ANKHD1: variants seen among roughly 807,000 people sequenced by gnomAD.
ANKHD1 encodes ankyrin repeat and KH domain containing 1, also known as ankyrin repeat and KH domain-containing protein 1.
ANKHD1 carries 31 observed loss-of-function variants against 230.5 expected under a neutral mutation model. The ratio of observed to expected loss-of-function variants is 0.13; its 90% CI spans 0.10 to 0.18. ANKHD1 has a LOEUF of 0.18. Among genes scored for constraint, ANKHD1 ranks in the 10% least tolerant of loss-of-function variants. The pLI is 1.00. For synonymous variants in ANKHD1, 1,074 were observed against 1,117.6 expected (o/e 0.96, Z 0.78); for missense variants, 2,256 against 3,071.3 (o/e 0.73, Z 6.27).
intron 1 of ANKHD1, among the ~76,000 whole-genome samples, chr5:140,426,184 CG>C (rs1772390621): frequency 6.6e-6 from 1 of 152,132 alleles, no homozygotes; most frequent in Non-Finnish European, 1.5e-5. Flanking sequence ...GGCTGGAGTA[CG>C]GTGGCATGAT....
chr5:140,430,391 A>C (rs957725590), intron 1 of ANKHD1, among the ~76,000 whole-genome samples: 1 of 152,234 alleles, frequency 6.6e-6, no homozygotes, highest in Non-Finnish European at 1.5e-5. Context: ...TACTGAATAG[A>C]GATGAGCTAT....
At chr5:140,443,966 A>G (rs1237174143) in intron 5 of ANKHD1, among the ~76,000 whole-genome samples, 3 of 151,908 alleles carry the variant, frequency 2.0e-5, no homozygotes, top group Admixed American at 6.6e-5. Context: ...GGAAGCGGGG[A>G]TTCTAAAGTT....
intron 9 of ANKHD1, among the ~76,000 whole-genome samples, chr5:140,462,232 T>C (rs1303589144): frequency 1.3e-5 from 2 of 152,048 alleles, no homozygotes; most frequent in African/African-American, 4.8e-5. Flanking sequence ...CTTCAGGAGG[T>C]AATAAGTATA....
At chr5:140,417,351 G>A (rs1308862350) in intron 1 of ANKHD1, among the ~76,000 whole-genome samples, 1 of 151,442 alleles carries the variant, frequency 6.6e-6, no homozygotes, top group Non-Finnish European at 1.5e-5. Context: ...AAAAGGGACA[G>A]TAGTGGATAC....
intron 2 of ANKHD1, among the ~76,000 whole-genome samples, chr5:140,437,487 G>A (rs1773537478): frequency 6.6e-6 from 1 of 152,234 alleles, no homozygotes; most frequent in Admixed American, 6.5e-5. Context: ...TGGATCACTT[G>A]AGGTCAGGAC....
chr5:140,452,983 A>G (rs138370827), intron 7 of ANKHD1, among the ~76,000 whole-genome samples: 3,263 of 152,258 alleles, frequency 0.021, 119 homozygotes, highest in African/African-American at 0.073. Flanking sequence ...AAGATTAGAC[A>G]AATGGCTAAC....
intron 1 of ANKHD1, among the ~76,000 whole-genome samples, chr5:140,410,085 G>C (rs1464577541): frequency 6.6e-6 from 1 of 152,048 alleles, no homozygotes; most frequent in African/African-American, 2.4e-5. Context: ...TAGTTCATAA[G>C]TCAAAGTAAT....
intron 24 of ANKHD1, among the ~76,000 whole-genome samples, chr5:140,523,619 G>A (rs1333124798): frequency 6.6e-6 from 1 of 150,404 alleles, no homozygotes; most frequent in Admixed American, 6.6e-5. Flanking sequence ...GGAGTGCGGT[G>A]CCATGATCTC....
intron 1 of ANKHD1, among the ~76,000 whole-genome samples, chr5:140,425,600 C>T (rs1772344481): frequency 6.7e-6 from 1 of 148,448 alleles, no homozygotes; most frequent in South Asian, 2.1e-4. Context: ...GAGTCTGAGA[C>T]TGGGGGGGAA....
chr5:140,419,385 T>C, intron 1 of ANKHD1, among the ~76,000 whole-genome samples: 1 of 151,922 alleles, frequency 6.6e-6, no homozygotes, highest in Non-Finnish European at 1.5e-5. Flanking sequence ...TGGATGCTAG[T>C]TCCTTAACAG....
At chr5:140,530,045 A>G (rs1458376070) in intron 29 of ANKHD1, among the ~76,000 whole-genome samples, 1 of 152,060 alleles carries the variant, frequency 6.6e-6, no homozygotes, top group Non-Finnish European at 1.5e-5. Context: ...CCAAATTTAC[A>G]GACTTAAAAA....
Position 140,480,261 on chromosome 5 carries a change from C to A in ANKHD1, c.1783-2319C>A, listed in dbSNP as rs377379507. Among the ~76,000 whole-genome samples the A allele has an allele frequency of 1.1e-4, 17 of 152,062 alleles. No homozygotes were observed. In the East Asian group the frequency reaches 3.1e-3, roughly 28 times the overall value. On this transcript the variant is annotated intron_variant, in intron 10 of 33. Transcript: ENST00000360839. ...GGAAAATAAAATAGGTAGCTTTTCA[C>A]CCCTTTTATTTCAGGAATTAATATG...
At chr5:140,472,905 C>A (rs1396381602) in intron 10 of ANKHD1, among the ~76,000 whole-genome samples, 1 of 151,272 alleles carries the variant, frequency 6.6e-6, no homozygotes, top group Non-Finnish European at 1.5e-5. Context: ...TTTTAAAAGT[C>A]AAATAAATTT....
chr5:140,520,305 ATAGGAACACTTT>A (rs1290729350), intron 24 of ANKHD1, among the ~76,000 whole-genome samples: 3 of 151,366 alleles, frequency 2.0e-5, no homozygotes, highest in African/African-American at 7.2e-5. Flanking sequence ...ATGTGGAGAA[ATAGGAACACTTT>A]TACACTGTTG....
At chr5:140,492,975 A>AT (rs907544663) in intron 14 of ANKHD1, among the ~76,000 whole-genome samples, 3 of 152,138 alleles carry the variant, frequency 2.0e-5, no homozygotes, top group Admixed American at 6.5e-5. Flanking sequence ...TCTAATACAG[A>AT]TTTTTTCTAG....
chr5:140,526,578 T>C, intron 26 of ANKHD1, 135 bp downstream of exon 26: 1 of 1,215,466 alleles, frequency 8.2e-7, no homozygotes, highest in Non-Finnish European at 1.1e-6. Flanking sequence ...TCTTCAATAT[T>C]CAAAACTGAA....
intron 5 of ANKHD1, among the ~76,000 whole-genome samples, chr5:140,444,483 G>A (rs1437626925): frequency 6.6e-6 from 1 of 152,134 alleles, no homozygotes; most frequent in Non-Finnish European, 1.5e-5. Flanking sequence ...TCTCAGGAGA[G>A]ACCAGGGATC....
rs535351220 is a variant in ANKHD1, at chr5:140,511,171, T to C, written c.4104+990T>C. Among the ~76,000 whole-genome samples, 5 of 152,272 alleles carry C rather than the reference T, an allele frequency of 3.3e-5. No homozygotes were observed. In the South Asian group the frequency reaches 1.0e-3, roughly 32 times the overall value. On this transcript the variant is annotated intron_variant, in intron 22 of 33. Transcript: ENST00000360839. ...TCTCATATATATTAAAGTTCACTTA[T>C]CTGCTGTATTTTTAAAAGCCTTCCC...
At chr5:140,471,548 G>A (rs1206611209) in intron 10 of ANKHD1, among the ~76,000 whole-genome samples, 1 of 152,150 alleles carries the variant, frequency 6.6e-6, no homozygotes, top group Non-Finnish European at 1.5e-5. Context: ...CACTTTCTTA[G>A]GATAAGCACA....
Sources: gnomAD v4.1 joint callset for allele counts (sites outside exome capture counted in the v4.1 genomes callset) on GRCh38, gnomAD v4.1.1 for gene constraint, MANE v1.5 for transcripts, NCBI Gene and HGNC (gene_info 2026-07-23, HGNC 2026-07-21) for gene names.